CNBD1: variants seen among roughly 807,000 people sequenced by gnomAD.
CNBD1 encodes the protein cyclic nucleotide binding domain containing 1, also known as cyclic nucleotide-binding domain-containing protein 1.
A neutral mutation model predicts 54.4 loss-of-function variants in CNBD1; 71 were observed. That is an observed-to-expected ratio of 1.30 (90% CI 1.08 to 1.59). The LOEUF is 1.59. CNBD1 is among the 40% of genes most tolerant of loss of function. The pLI is 0.00. For missense variants in CNBD1, 659 were observed against 518.0 expected, an observed-to-expected ratio of 1.27 and a Z score of -2.64; for synonymous variants, 182 against 170.7, an observed-to-expected ratio of 1.07 and a Z score of -0.51.
At chr8:86,898,051 C>T (rs1808874890) in intron 2 of CNBD1, among the ~76,000 whole-genome samples, 1 of 152,082 alleles carries the variant, frequency 6.6e-6, no homozygotes, top group African/African-American at 2.4e-5. Context: ...AATGACATAT[C>T]TATTTGTTCA....
intron 4 of CNBD1, among the ~76,000 whole-genome samples, chr8:87,004,370 T>C (rs1328403665): frequency 1.3e-5 from 2 of 152,166 alleles, no homozygotes; most frequent in African/African-American, 4.8e-5. Flanking sequence ...CATTGTCTTT[T>C]CCTTTGTGTT....
intron 4 of CNBD1, among the ~76,000 whole-genome samples, chr8:87,139,800 CTG>C (rs1348143750): frequency 6.6e-6 from 1 of 152,172 alleles, no homozygotes; most frequent in African/African-American, 2.4e-5. Context: ...AGCCTCTCCT[CTG>C]TAGACACTGA....
At chr8:87,179,512 C>A (rs1813267001) in intron 4 of CNBD1, among the ~76,000 whole-genome samples, 1 of 152,082 alleles carries the variant, frequency 6.6e-6, no homozygotes, top group South Asian at 2.1e-4. Context: ...ATAAGGAATT[C>A]AGAGTATCAA....
intron 4 of CNBD1, among the ~76,000 whole-genome samples, chr8:86,998,180 C>T (rs1405597640): frequency 1.3e-5 from 2 of 151,542 alleles, no homozygotes; most frequent in Admixed American, 1.3e-4. Context: ...GTTCTCATAA[C>T]TACATAACCT....
At position 87,166,467 on chromosome 8, in the gene CNBD1, C is replaced by G. The variant is rs1183183460; in HGVS notation, c.432-39526C>G. Among the ~76,000 whole-genome samples the G allele has an allele frequency of 6.6e-6, 1 of 151,982 alleles. No individual in the cohort carries two copies. The highest frequency in any genetic ancestry group is 1.9e-4 in the East Asian group (1 of 5,198). Reference sequence around the variant, plus strand: ...TGAAATGCTCTTTTCAAAACACAAACTGATTTCATTTGTTGCCCCATTAAT... The same window carrying G: ...TGAAATGCTCTTTTCAAAACACAAAGTGATTTCATTTGTTGCCCCATTAAT... On this transcript the variant is annotated intron_variant, in intron 4 of 10. Transcript: ENST00000518476. The surrounding 1 kb of genome is among the most constrained non-coding windows in gnomAD (Gnocchi z 4.3).
chr8:86,919,677 T>C (rs577931077), intron 3 of CNBD1, among the ~76,000 whole-genome samples: 1 of 152,344 alleles, frequency 6.6e-6, no homozygotes, highest in East Asian at 1.9e-4. Context: ...AGTGGCCTCC[T>C]GCTTGTTTAA....
intron 4 of CNBD1, among the ~76,000 whole-genome samples, chr8:87,101,944 A>G (rs1222064488): frequency 1.4e-5 from 2 of 147,808 alleles, no homozygotes; most frequent in Admixed American, 6.8e-5. Flanking sequence ...GCTGGAGTGC[A>G]GTGGTGCGAT....
intron 5 of CNBD1, among the ~76,000 whole-genome samples, chr8:87,231,080 G>C (rs949668565): frequency 3.3e-5 from 5 of 152,004 alleles, no homozygotes; most frequent in African/African-American, 1.2e-4. Context: ...TAGGGGAGGT[G>C]CCACATAAGT....
At chr8:87,158,747 C>T (rs1251453891) in intron 4 of CNBD1, among the ~76,000 whole-genome samples, 2 of 152,124 alleles carry the variant, frequency 1.3e-5, no homozygotes, top group Non-Finnish European at 2.9e-5. Context: ...GAGTCCACTG[C>T]TTAGTCTGAT....
chr8:87,053,915 C>G (rs1375761854), intron 4 of CNBD1, among the ~76,000 whole-genome samples: 1 of 152,188 alleles, frequency 6.6e-6, no homozygotes, highest in African/African-American at 2.4e-5. Flanking sequence ...ACCCCTCTTT[C>G]TTTTAGATGC....
intron 6 of CNBD1, among the ~76,000 whole-genome samples, chr8:87,274,517 G>C (rs1187142977): frequency 6.7e-6 from 1 of 148,888 alleles, no homozygotes; most frequent in Non-Finnish European, 1.5e-5. Flanking sequence ...TTCTCTGATG[G>C]CCAGTGATGG....
chr8:87,332,096 C>T (rs898245060), intron 8 of CNBD1, among the ~76,000 whole-genome samples: 15 of 152,018 alleles, frequency 9.9e-5, no homozygotes. Context: ...ACTTGTAATC[C>T]CAGCACTTTG....
At chr8:87,066,382 C>A (rs573393650) in intron 4 of CNBD1, among the ~76,000 whole-genome samples, 1 of 151,888 alleles carries the variant, frequency 6.6e-6, no homozygotes, top group East Asian at 1.9e-4. Flanking sequence ...ATCCATGGAC[C>A]AGGACATCCT....
chr8:86,922,355 G>A (rs1478354071), intron 3 of CNBD1, among the ~76,000 whole-genome samples: 1 of 152,066 alleles, frequency 6.6e-6, no homozygotes, highest in Non-Finnish European at 1.5e-5. Context: ...AAATAAAAAA[G>A]GCAAGGCGAG....
intron 8 of CNBD1, among the ~76,000 whole-genome samples, chr8:87,296,126 T>C (rs768608176): frequency 6.6e-6 from 1 of 152,182 alleles, no homozygotes; most frequent in Non-Finnish European, 1.5e-5. Flanking sequence ...ACAATTATAA[T>C]ACAATTTGAT....
intron 2 of CNBD1, among the ~76,000 whole-genome samples, chr8:87,393,878 T>A (rs1466963261): frequency 6.6e-6 from 1 of 151,700 alleles, no homozygotes; most frequent in Non-Finnish European, 1.5e-5. Context: ...TGAGTGTTAG[T>A]GAAAAGATCG....
intron 2 of CNBD1, among the ~76,000 whole-genome samples, chr8:87,425,156 T>C (rs1808022993): frequency 6.6e-6 from 1 of 152,178 alleles, no homozygotes; most frequent in African/African-American, 2.4e-5. Context: ...TCTCGGGCCT[T>C]GGTTTTCAGC....
rs141263026 is a variant in CNBD1, at chr8:87,393,105, T to C, written c.214-35441T>C. Among the ~76,000 whole-genome samples, 353 of 151,794 alleles carry C rather than the reference T, an allele frequency of 2.3e-3. 2 individuals carry two copies. Among genetic ancestry groups the C allele is most frequent in the African/African-American group, 7.2e-3 (298 of 41,352 alleles). ...ATGTCATTTACTGGAATCTAAAAGATTGAAAGTAGAGTAATTTTGTGACTG... is the reference window on the plus strand; with the variant it reads ...ATGTCATTTACTGGAATCTAAAAGACTGAAAGTAGAGTAATTTTGTGACTG... On this transcript the variant is annotated intron_variant, in intron 2 of 7. Transcript: ENST00000521593.
chr8:86,980,574 C>T (rs1808465068), intron 4 of CNBD1, among the ~76,000 whole-genome samples: 1 of 152,148 alleles, frequency 6.6e-6, no homozygotes, highest in South Asian at 2.1e-4. Flanking sequence ...TTGAAAATGA[C>T]TTCACTCATG....
Sources: gnomAD v4.1 joint callset for allele counts (sites outside exome capture counted in the v4.1 genomes callset) on GRCh38, gnomAD v4.1.1 for gene constraint, Gnocchi (gnomAD v3.1) non-coding constraint, MANE v1.5 for transcripts, NCBI Gene and HGNC (gene_info 2026-07-23, HGNC 2026-07-21) for gene names.